Variants in PCDHA3 observed in about 807,000 individuals in gnomAD.
PCDHA3 encodes protocadherin alpha 3.
In PCDHA3, 41 loss-of-function variants were observed where a neutral mutation model predicts 62.2. That is an observed-to-expected ratio of 0.66 (90% CI 0.51 to 0.86). The LOEUF is 0.86. PCDHA3 is among the 40% of genes least tolerant of loss of function. PCDHA3 has a pLI of 0.00. For synonymous variants in PCDHA3, 640 were observed against 555.4 expected (o/e 1.15, Z -2.14); for missense variants, 1,304 against 1,241.2 (o/e 1.05, Z -0.76).
intron 1 of PCDHA3, chr5:140,829,898 T>C (rs2150177238): frequency 2.5e-6 from 4 of 1,613,830 alleles, no homozygotes; most frequent in African/African-American, 2.7e-5. Context: ...CGACTCAGGC[T>C]ACAACGCGTG....
intron 1 of PCDHA3, among the ~76,000 whole-genome samples, chr5:140,921,161 T>A (rs201050388): frequency 2.1e-5 from 3 of 141,450 alleles, no homozygotes; most frequent in African/African-American, 5.2e-5. Context: ...ATTTTTTTTT[T>A]AACACACATA....
At chr5:140,917,157 G>A (rs77234668) in intron 1 of PCDHA3, among the ~76,000 whole-genome samples, 2,784 of 152,240 alleles carry the variant, frequency 0.018, 84 homozygotes, top group African/African-American at 0.063. Context: ...TGGGGGATAT[G>A]GGAGGGGTGA....
chr5:141,004,101 T>C (rs2098153096), intron 3 of PCDHA3, among the ~76,000 whole-genome samples: 1 of 152,220 alleles, frequency 6.6e-6, no homozygotes, highest in Admixed American at 6.5e-5. Flanking sequence ...TCCGTTTTCA[T>C]CTTCTTCAAA....
intron 1 of PCDHA3, among the ~76,000 whole-genome samples, chr5:140,873,723 CAA>C (rs1554166874): frequency 6.6e-6 from 1 of 152,158 alleles, no homozygotes; most frequent in Non-Finnish European, 1.5e-5. Context: ...TGCAGTGGCG[CAA>C]TCTCAGCTCA....
chr5:140,926,767 C>A (rs1323702990), intron 1 of PCDHA3: 1 of 1,359,024 alleles, frequency 7.4e-7, no homozygotes, highest in East Asian at 2.7e-5. Context: ...AGTATCCAGC[C>A]CGCAGCAGTG....
Position 140,828,813 on chromosome 5 carries a change from C to G in PCDHA3, c.2394+25222C>G, listed in dbSNP as rs2150159303. On this transcript the variant is annotated intron_variant, in intron 1 of 3. Coordinates refer to ENST00000522353, the MANE Select transcript of PCDHA3 (RefSeq NM_018906.3). ...CTGGATGTGAATGATAATGCTCCCA[C>G]TTTCGAACAGTCTGAATACGAAGTA... is the stretch of plus-strand genomic sequence containing the variant. 2.5e-6 allele frequency: 4 copies of G among 1,614,220 alleles called. No individual in the cohort carries two copies. The South Asian group carries it at 4.4e-5, about 18-fold the overall frequency.
chr5:140,822,343 T>G lies in PCDHA3; in HGVS notation c.2394+18752T>G, dbSNP rs2150115683. 5 of 1,614,104 alleles carry G rather than the reference T, an allele frequency of 3.1e-6. No individual in the cohort carries two copies. The Admixed American group carries it at 8.3e-5, about 27-fold the overall frequency. ...TAAAACAAATGAAGAAGAAACGAACTTTTTAGAGCTGGTTTTGAGGAAATC... is the reference window on the plus strand; with the variant it reads ...TAAAACAAATGAAGAAGAAACGAACGTTTTAGAGCTGGTTTTGAGGAAATC... On this transcript the variant is annotated intron_variant, in intron 1 of 3. Transcript: ENST00000522353.
At chr5:140,929,362 G>A (rs781830495) in intron 1 of PCDHA3, 13 of 1,520,234 alleles carry the variant, frequency 8.6e-6, no homozygotes, top group Middle Eastern at 1.8e-4. Flanking sequence ...CCTTTGGCCC[G>A]GAGATGGCTG....
At chr5:140,828,783 C>G (rs2150158892) in intron 1 of PCDHA3, 14 of 1,614,164 alleles carry the variant, frequency 8.7e-6, no homozygotes, top group Non-Finnish European at 1.1e-5. Context: ...CTGCTGGTCA[C>G]AGTGCTGGAT....
intron 1 of PCDHA3, chr5:140,830,007 A>T: frequency 6.2e-7 from 1 of 1,613,948 alleles, no homozygotes; most frequent in Non-Finnish European, 8.5e-7. Context: ...GTCCTGGACG[A>T]AGCGGACTCT....
intron 1 of PCDHA3, among the ~76,000 whole-genome samples, chr5:140,912,449 A>G (rs2075925716): frequency 6.6e-6 from 1 of 151,398 alleles, no homozygotes; most frequent in South Asian, 2.1e-4. Flanking sequence ...GTGTGCATTG[A>G]TTTTGTATCC....
At chr5:140,927,505 G>T (rs782722913) in intron 1 of PCDHA3, 1 of 1,614,120 alleles carries the variant, frequency 6.2e-7, no homozygotes, top group East Asian at 2.2e-5. Flanking sequence ...GGTGCTTACA[G>T]CTCGGGACGG....
At chr5:140,803,883 A>G (rs1032213276) in intron 1 of PCDHA3, 1 of 546,086 alleles carries the variant, frequency 1.8e-6, no homozygotes, top group Admixed American at 3.6e-5. Flanking sequence ...TTTTTCTTAG[A>G]TGAATTGCAT....
chr5:140,972,130 TTAC>T (rs1424151392), intron 1 of PCDHA3, among the ~76,000 whole-genome samples: 1 of 152,022 alleles, frequency 6.6e-6, no homozygotes, highest in Non-Finnish European at 1.5e-5. Flanking sequence ...TATCAGTGAG[TTAC>T]TACTATTTTT....
intron 1 of PCDHA3, among the ~76,000 whole-genome samples, chr5:140,921,337 C>T (rs1339756681): frequency 6.6e-6 from 1 of 152,082 alleles, no homozygotes; most frequent in Non-Finnish European, 1.5e-5. Flanking sequence ...GGTCCAATCA[C>T]ATAATATATT....
chr5:140,822,880 G>A (rs1405488248), intron 1 of PCDHA3: 6 of 1,614,120 alleles, frequency 3.7e-6, no homozygotes, highest in Non-Finnish European at 5.1e-6. Context: ...CACGGTCATT[G>A]CTCTGATCAG....
intron 1 of PCDHA3, chr5:140,816,153 G>A (rs2126669900): frequency 1.3e-5 from 2 of 152,238 alleles, no homozygotes; most frequent in Admixed American, 6.5e-5. Flanking sequence ...CAGCCTGCTC[G>A]AGGATGTCCT....
chr5:140,901,575 C>T (rs1554189900), intron 1 of PCDHA3, among the ~76,000 whole-genome samples: 1 of 152,030 alleles, frequency 6.6e-6, no homozygotes, highest in African/African-American at 2.4e-5. Context: ...GTTTTTATGC[C>T]AGTGCCATGA....
intron 1 of PCDHA3, chr5:140,824,407 A>G (rs1768108209): frequency 1.9e-6 from 1 of 536,144 alleles, no homozygotes; most frequent in East Asian, 3.1e-5. Context: ...TAATTGTAAG[A>G]CATAGTTTGG....
Sources: gnomAD v4.1 joint callset for allele counts (sites outside exome capture counted in the v4.1 genomes callset) on GRCh38, gnomAD v4.1.1 for gene constraint, MANE v1.5 for transcripts, NCBI Gene and HGNC (gene_info 2026-07-23, HGNC 2026-07-21) for gene names.